DDX59: variants seen among roughly 807,000 people sequenced by gnomAD.
DDX59 encodes DEAD-box helicase 59, also known as probable ATP-dependent RNA helicase DDX59.
Under a neutral mutation model 51.9 loss-of-function variants are expected in DDX59, and 30 were observed. That is an observed-to-expected ratio of 0.58 (90% CI 0.43 to 0.78). DDX59 has a LOEUF of 0.78. DDX59 is among the 30% of genes least tolerant of loss of function. The pLI, the probability that DDX59 is intolerant of heterozygous loss-of-function variation, is 0.00. For missense variants in DDX59, 672 were observed against 730.8 expected (o/e 0.92, Z 0.93); for synonymous variants, 255 against 253.3 (o/e 1.01, Z -0.06).
chr1:200,662,774 T>C (rs1340664255), intron 3 of DDX59, among the ~76,000 whole-genome samples: 1 of 152,238 alleles, frequency 6.6e-6, no homozygotes, highest in East Asian at 1.9e-4. Context: ...TGAAAATAAA[T>C]TTAAGGCAGA....
intron 1 of DDX59, among the ~76,000 whole-genome samples, chr1:200,667,072 C>T (rs569158944): frequency 6.6e-6 from 1 of 151,332 alleles, no homozygotes; most frequent in Admixed American, 6.6e-5. Context: ...CGTGCCACTG[C>T]CCTCCAGCCT....
At chr1:200,650,765 A>G in intron 4 of DDX59, 89 bp from the exon 5 acceptor site, 1 of 1,205,234 alleles carries the variant, frequency 8.3e-7, no homozygotes, top group Non-Finnish European at 1.1e-6. Context: ...AACAATATAA[A>G]AATTAAAAAT....
chr1:200,660,838 C>A (rs918463063), intron 3 of DDX59, among the ~76,000 whole-genome samples: 2 of 152,162 alleles, frequency 1.3e-5, no homozygotes, highest in Admixed American at 6.5e-5. Flanking sequence ...TCGAGTTCAG[C>A]AGGGCCAACT....
At chr1:200,642,619 A>C (rs1661080457), downstream of DDX59, among the ~76,000 whole-genome samples, 1 of 152,214 alleles carries the variant, frequency 6.6e-6, no homozygotes, top group East Asian at 1.9e-4. Flanking sequence ...AAGGAATGAG[A>C]AGCAGAAGTC....
At chr1:200,664,135 G>A in intron 2 of DDX59, 49 bp from the exon 3 acceptor site, 1 of 1,577,344 alleles carries the variant, frequency 6.3e-7, no homozygotes. Context: ...ATTAATTCCT[G>A]CTGATATGAA....
downstream of DDX59, among the ~76,000 whole-genome samples, chr1:200,641,809 C>T (rs1018380686): frequency 1.3e-5 from 2 of 152,102 alleles, no homozygotes; most frequent in Non-Finnish European, 2.9e-5. Context: ...TGGAGACCAT[C>T]CTGGCCAACA....
At chr1:200,643,210 TG>T (rs988306357), downstream of DDX59, among the ~76,000 whole-genome samples, 1 of 151,328 alleles carries the variant, frequency 6.6e-6, no homozygotes, top group African/African-American at 2.4e-5. Context: ...TGTTGGAGCC[TG>T]GGAGGTTAAG....
At chr1:200,658,224 C>T (rs1662158009) in intron 4 of DDX59, among the ~76,000 whole-genome samples, 1 of 152,222 alleles carries the variant, frequency 6.6e-6, no homozygotes, top group African/African-American at 2.4e-5. Flanking sequence ...AGAAATGGCA[C>T]ATGCCCAGGG....
intron 2 of DDX59, 89 bp downstream of exon 2, chr1:200,665,848 G>A (rs1176976675): frequency 7.2e-6 from 10 of 1,379,798 alleles, no homozygotes; most frequent in South Asian, 1.6e-5. Context: ...GTTTTAGTCT[G>A]CAATTTTAAT....
rs1663047150 is a variant in DDX59 at position 200,669,752 on chromosome 1, C to T, written c.-12+15G>A. 1 of 152,450 alleles carries T rather than the reference C, an allele frequency of 6.6e-6. No individual in the cohort carries two copies. Among genetic ancestry groups the T allele is most frequent in the South Asian group, 2.1e-4 (1 of 4,838 alleles). 9.4% of individuals were successfully genotyped at this position (152,450 alleles called of 1,614,324 possible). ...CCAGGGCGGCCAGGGGCCCAAGCTT[C>T]CGGGGCACGCTCACCCGCGCAGGAC... is the stretch of plus-strand genomic sequence containing the variant. On this transcript the variant is annotated intron_variant, in intron 1 of 7. Coordinates refer to ENST00000331314, the MANE Select transcript of DDX59 (RefSeq NM_001031725.6).
chr1:200,649,831 TTTAAC>T (rs1037564084), intron 5 of DDX59, among the ~76,000 whole-genome samples: 3 of 151,836 alleles, frequency 2.0e-5, no homozygotes, highest in South Asian at 2.1e-4. Context: ...ACCAACCATA[TTTAAC>T]TTAATACTTT....
intron 7 of DDX59, among the ~76,000 whole-genome samples, chr1:200,647,999 A>AATT (rs1018486161): frequency 3.8e-5 from 5 of 133,212 alleles, no homozygotes; most frequent in Non-Finnish European, 7.7e-5. Context: ...TAAAAGCAAA[A>AATT]ATACATACAG....
At chr1:200,664,719 A>C in intron 2 of DDX59, among the ~76,000 whole-genome samples, 1 of 149,744 alleles carries the variant, frequency 6.7e-6, no homozygotes, top group African/African-American at 2.5e-5. Flanking sequence ...CTTATTGCCC[A>C]GGCTGGAGTG....
intron 2 of DDX59, among the ~76,000 whole-genome samples, chr1:200,665,242 G>A (rs1046264094): frequency 6.6e-6 from 1 of 152,090 alleles, no homozygotes; most frequent in Admixed American, 6.6e-5. Context: ...GATTACCTAA[G>A]GTCAGGAGTT....
At position 200,666,680 on chromosome 1, in the gene DDX59, C is replaced by T. The variant is rs1483497797; in HGVS notation, c.61G>A (p.Val21Met). Residue 21 changes from valine to methionine, a missense_variant, in exon 2 of 8, where the codon GTG becomes ATG. Physicochemically the swap from Val to Met is conservative, Grantham distance 21. Coordinates refer to ENST00000331314, the MANE Select transcript of DDX59 (RefSeq NM_001031725.6). The stretch of plus-strand genomic sequence containing the variant: ...GGGTCTGGTTTAATTATCTTAGCCA[C>T]ACAACTTTTGCCATCATCATTAGCA... ...RNANDDGKSC[V>M]AKIIKPDPED... 1 of 1,614,022 alleles carries T rather than the reference C, an allele frequency of 6.2e-7. No homozygotes were observed. The highest frequency in any genetic ancestry group is 1.3e-5 in the African/African-American group (1 of 74,930).
At position 200,644,053 on chromosome 1, in the gene DDX59, C is replaced by T. The variant is rs1185443476; in HGVS notation, c.*201G>A. On this transcript the variant is annotated 3_prime_UTR_variant, in exon 8 of 8. Transcript: ENST00000331314. ...GAAACTTCATCCAGAAAAGAAAACA[C>T]TGTCTTTTATTTAATAATTCATTTT... 1.9e-6 allele frequency: 1 copy of T among 519,330 alleles called. No homozygotes were observed. 32.2% of individuals were successfully genotyped at this position (519,330 alleles called of 1,614,324 possible). A position where few individuals can be genotyped will look rare whatever the true frequency, so the allele number is the denominator to read the frequency against.
chr1:200,644,858 T>C (rs1308194315), intron 7 of DDX59, among the ~76,000 whole-genome samples: 1 of 131,702 alleles, frequency 7.6e-6, no homozygotes, highest in African/African-American at 2.9e-5. Flanking sequence ...ATCGTGCCAC[T>C]GCACTCCAGC....
At chr1:200,659,287 G>A (rs1342464307) in intron 3 of DDX59, among the ~76,000 whole-genome samples, 171 bp from the exon 4 acceptor site, 1 of 152,158 alleles carries the variant, frequency 6.6e-6, no homozygotes. Flanking sequence ...GTAATACAAA[G>A]GAAGAAACAG....
rs771095037 is a variant in DDX59, at chr1:200,663,899, T to C, written c.972+20A>G. The C allele has an allele frequency of 6.5e-7, 1 of 1,539,210 alleles. No individual in the cohort carries two copies. Among genetic ancestry groups the C allele is most frequent in the Admixed American group, 2.2e-5 (1 of 46,372 alleles). ...TGCTTACAAAACTTTTCAAAGACAT[T>C]GTATCAAATCAGTGCTTACCTTAAC... On this transcript the variant is annotated intron_variant, in intron 3 of 7. Coordinates refer to ENST00000331314, the MANE Select transcript of DDX59 (RefSeq NM_001031725.6).
Sources: gnomAD v4.1 joint callset for allele counts (sites outside exome capture counted in the v4.1 genomes callset) on GRCh38, gnomAD v4.1.1 for gene constraint, MANE v1.5 for transcripts, NCBI Gene and HGNC (gene_info 2026-07-23, HGNC 2026-07-21) for gene names.